UST: variants seen among roughly 807,000 people sequenced by gnomAD.
UST encodes uronyl 2-sulfotransferase, also known as chondroitin sulfate 2-O-sulfotransferase.
Under a neutral mutation model 45.6 loss-of-function variants are expected in UST, and 21 were observed. The observed-to-expected ratio is 0.46, with a 90% CI of 0.33 to 0.66. The LOEUF (loss-of-function observed/expected upper bound fraction) is 0.66. Among genes scored for constraint, UST ranks in the 30% least tolerant of loss-of-function variants. UST has a pLI of 0.02. For missense variants in UST, 463 were observed against 512.4 expected (o/e 0.90, Z 0.93); for synonymous variants, 215 against 200.6 (o/e 1.07, Z -0.61).
chr6:148,904,721 A>C (rs551284111), intron 2 of UST, among the ~76,000 whole-genome samples: 7 of 152,250 alleles, frequency 4.6e-5, no homozygotes, highest in African/African-American at 1.7e-4. Context: ...ACTGAGTTTC[A>C]TCATGTTGGA....
At chr6:148,990,429 G>A in intron 5 of UST, 2 of 985,086 alleles carry the variant, frequency 2.0e-6, no homozygotes, top group Non-Finnish European at 2.4e-6. Flanking sequence ...TTCATGATAA[G>A]GTAACTAGAT....
At chr6:148,813,574 G>T (rs1349981170) in intron 1 of UST, among the ~76,000 whole-genome samples, 1 of 152,020 alleles carries the variant, frequency 6.6e-6, no homozygotes, top group Non-Finnish European at 1.5e-5. Context: ...TAGAGATGGG[G>T]TTTCACCATG....
intron 5 of UST, among the ~76,000 whole-genome samples, chr6:149,011,013 C>T (rs562192240): frequency 2.7e-5 from 4 of 149,888 alleles, no homozygotes; most frequent in Non-Finnish European, 5.9e-5. Flanking sequence ...AATGTTTGGT[C>T]TCTTGTGTCC....
intron 4 of UST, among the ~76,000 whole-genome samples, chr6:148,962,570 G>T (rs1036422396): frequency 6.6e-6 from 1 of 152,204 alleles, no homozygotes; most frequent in Non-Finnish European, 1.5e-5. Context: ...TAAATCTGGG[G>T]TGTGTACAGT....
intron 1 of UST, among the ~76,000 whole-genome samples, chr6:148,809,808 C>T (rs114838637): frequency 7.9e-5 from 12 of 152,350 alleles, no homozygotes; most frequent in African/African-American, 2.6e-4. Context: ...GTCTCCAGTT[C>T]ACATGTACTG....
At chr6:148,820,622 A>G (rs893327286) in intron 1 of UST, among the ~76,000 whole-genome samples, 4 of 152,024 alleles carry the variant, frequency 2.6e-5, no homozygotes, top group African/African-American at 9.7e-5. Flanking sequence ...AGGCCGAGGC[A>G]GGCGGATCAC....
At chr6:148,855,155 C>T (rs1169931903) in intron 1 of UST, among the ~76,000 whole-genome samples, 1 of 152,192 alleles carries the variant, frequency 6.6e-6, no homozygotes, top group Non-Finnish European at 1.5e-5. Flanking sequence ...TTACCTCCCA[C>T]TGGGTCTCTC....
chr6:149,028,734 A>G (rs1776089184), intron 7 of UST, among the ~76,000 whole-genome samples: 1 of 152,222 alleles, frequency 6.6e-6, no homozygotes, highest in Non-Finnish European at 1.5e-5. Flanking sequence ...CAAGTTAATG[A>G]GGTTTTTATG....
At chr6:148,878,386 A>G (rs111356391) in intron 1 of UST, among the ~76,000 whole-genome samples, 3,550 of 22,786 alleles carry the variant, frequency 0.16, 387 homozygotes, top group African/African-American at 0.26. Flanking sequence ...GCGGGGGGTC[A>G]TGTACGAGTG....
intron 1 of UST, among the ~76,000 whole-genome samples, chr6:148,855,019 C>T (rs1287793848): frequency 2.0e-5 from 3 of 152,202 alleles, no homozygotes; most frequent in Admixed American, 1.3e-4. Flanking sequence ...GATCAAGTCA[C>T]GTCTTAAGTG....
At chr6:148,878,254 TGAGTGCGGA>T (rs1163382133) in intron 1 of UST, among the ~76,000 whole-genome samples, 2 of 91,300 alleles carry the variant, frequency 2.2e-5, no homozygotes, top group African/African-American at 9.2e-5. Flanking sequence ...AGATCGTGTA[TGAGTGCGGA>T]GATCGTGTAT....
At chr6:149,053,648 G>C (rs369115501) in intron 7 of UST, among the ~76,000 whole-genome samples, 1 of 152,358 alleles carries the variant, frequency 6.6e-6, no homozygotes, top group African/African-American at 2.4e-5. Flanking sequence ...CTGATCAGGA[G>C]GTGAACCGAT....
intron 1 of UST, among the ~76,000 whole-genome samples, chr6:148,782,899 G>A (rs1776670717): frequency 2.0e-5 from 3 of 152,236 alleles, no homozygotes; most frequent in Admixed American, 2.0e-4. Flanking sequence ...CAGAGCTTGA[G>A]AGGATTGGCT....
intron 1 of UST, among the ~76,000 whole-genome samples, chr6:148,845,485 C>T (rs922287557): frequency 2.0e-5 from 3 of 152,198 alleles, no homozygotes; most frequent in East Asian, 1.9e-4. Flanking sequence ...GAATATATCA[C>T]GGTTTATTTA....
chr6:148,860,569 G>A (rs1778291869), intron 1 of UST, among the ~76,000 whole-genome samples: 1 of 152,258 alleles, frequency 6.6e-6, no homozygotes. Context: ...TCCCTGTCTT[G>A]TGCCAGTTTT....
intron 1 of UST, among the ~76,000 whole-genome samples, chr6:148,870,689 G>A (rs1053830905): frequency 1.3e-4 from 20 of 152,174 alleles, no homozygotes; most frequent in Non-Finnish European, 2.5e-4. Context: ...CATTTACTCC[G>A]GTCTTCTCTT....
intron 7 of UST, among the ~76,000 whole-genome samples, chr6:149,026,100 A>G (rs1282834736): frequency 6.7e-6 from 1 of 149,416 alleles, no homozygotes; most frequent in African/African-American, 2.4e-5. Flanking sequence ...GTGAGCAGAG[A>G]TTGCACCACT....
At chr6:148,971,589 A>G (rs1231847886) in intron 5 of UST, among the ~76,000 whole-genome samples, 2 of 152,040 alleles carry the variant, frequency 1.3e-5, no homozygotes, top group East Asian at 3.9e-4. Flanking sequence ...GGGAAAGAGG[A>G]GAAGGAAGAA....
intron 5 of UST, among the ~76,000 whole-genome samples, chr6:149,007,716 G>A (rs558651938): frequency 1.3e-5 from 2 of 152,018 alleles, no homozygotes; most frequent in African/African-American, 2.4e-5. Context: ...GAGCCACCGC[G>A]CCCGACCTCC....
Sources: allele counts gnomAD v4.1 joint callset (sites outside exome capture counted in the v4.1 genomes callset), GRCh38; gene constraint gnomAD v4.1.1; transcripts MANE v1.5; gene names NCBI Gene and HGNC (gene_info 2026-07-23, HGNC 2026-07-21).